DNAH8: variants seen among roughly 807,000 people sequenced by gnomAD.
DNAH8 encodes axonemal beta dynein heavy chain 8.
DNAH8 carries 382 observed loss-of-function variants against 562.1 expected under a neutral mutation model. That is an observed-to-expected ratio of 0.68 (90% CI 0.63 to 0.74). DNAH8 has a LOEUF of 0.74. DNAH8 is among the 30% of genes least tolerant of loss of function. The pLI is 0.00. For missense variants in DNAH8, 5,203 were observed against 5,620.4 expected (o/e 0.93, Z 2.37); for synonymous variants, 1,881 against 1,919.4 (o/e 0.98, Z 0.52).
At chr6:38,973,347 A>G (rs1352260723) in intron 83 of DNAH8, among the ~76,000 whole-genome samples, 1 of 152,140 alleles carries the variant, frequency 6.6e-6, no homozygotes, top group African/African-American at 2.4e-5. Context: ...ACTGATTCCA[A>G]AATACCCGTT....
At position 38,721,894 on chromosome 6, in the gene DNAH8, C is replaced by A. The variant is rs566202588; in HGVS notation, c.-34-882C>A. ...AGAAACCTCTTTTTCTGTCTTCTTA[C>A]GTGTTTGGGAATGTATCCTTTTGTT... On this transcript the variant is annotated intron_variant, in intron 1 of 92. Coordinates refer to ENST00000327475, the MANE Select transcript of DNAH8 (RefSeq NM_001206927.2). 1.8e-4 allele frequency among the ~76,000 whole-genome samples: 28 copies of A among 152,264 alleles called. No individual in the cohort carries two copies. The South Asian group carries it at 4.6e-3, about 25-fold the overall frequency.
chr6:38,783,999 G>T (rs1394820539), intron 17 of DNAH8, among the ~76,000 whole-genome samples: 1 of 152,146 alleles, frequency 6.6e-6, no homozygotes, highest in Non-Finnish European at 1.5e-5. Context: ...CTGCCTCTTG[G>T]TTCCAGAACT....
Position 38,836,495 on chromosome 6 carries a change from A to G in DNAH8, c.4366-1447A>G, listed in dbSNP as rs148690105. Among the ~76,000 whole-genome samples the G allele has an allele frequency of 5.4e-3, 788 of 145,600 alleles. 5 individuals carry two copies. Among genetic ancestry groups the G allele is most frequent in the African/African-American group, 0.019 (746 of 39,530 alleles). On this transcript the variant is annotated intron_variant, in intron 32 of 92. Coordinates refer to ENST00000327475, the MANE Select transcript of DNAH8 (RefSeq NM_001206927.2). ...AACAAAAAAACCCAACAAAACAACA[A>G]CAACAACAAAAAAACCATCTCAAAA...
Position 38,842,663 on chromosome 6 carries a change from A to G in DNAH8, c.4605A>G (p.Arg1535=). The change falls in exon 35 of 93, where the codon AGA becomes AGG. Residue 1535 remains arginine, a splice_region_variant and synonymous_variant. Coordinates refer to ENST00000327475, the MANE Select transcript of DNAH8 (RefSeq NM_001206927.2). ...TTTTTTTTCTCTTTCTTTCTGAAAGATGTCGTAAACTTCCAAAAGGACTTA... is the reference window on the plus strand; with the variant it reads ...TTTTTTTTCTCTTTCTTTCTGAAAGGTGTCGTAAACTTCCAAAAGGACTTA... ...INAELLEFQN[R]CRKLPKGLKD... is the part of the protein sequence containing the mutation. The G allele has an allele frequency of 1.9e-6, 3 of 1,608,036 alleles. No homozygotes were observed. The highest frequency in any genetic ancestry group is 2.5e-6 in the Non-Finnish European group (3 of 1,178,252).
chr6:38,945,660 G>T, intron 80 of DNAH8, 72 bp downstream of exon 80: 1 of 1,590,754 alleles, frequency 6.3e-7, no homozygotes, highest in East Asian at 2.2e-5. Context: ...TTAAACTGGG[G>T]CTTCCTGGCA....
chr6:38,991,020 C>T (rs1243520167), intron 88 of DNAH8, among the ~76,000 whole-genome samples: 4 of 152,190 alleles, frequency 2.6e-5, no homozygotes, highest in African/African-American at 9.7e-5. Context: ...TGGGGCATTC[C>T]TCTCTCCTAG....
intron 33 of DNAH8, among the ~76,000 whole-genome samples, chr6:38,839,102 C>T (rs1206273974): frequency 2.0e-5 from 3 of 152,122 alleles, no homozygotes; most frequent in African/African-American, 4.8e-5. Flanking sequence ...GTTAGAATTG[C>T]GGATGTCTGG....
chr6:38,717,811 A>AT (rs1281342083), intron 1 of DNAH8, among the ~76,000 whole-genome samples: 5 of 151,992 alleles, frequency 3.3e-5, no homozygotes, highest in Non-Finnish European at 5.9e-5. Context: ...ACTGATTACA[A>AT]TTTTTTTGCA....
chr6:38,742,660 C>T lies in DNAH8; in HGVS notation c.1293+773C>T, dbSNP rs561655674. 7.9e-5 allele frequency among the ~76,000 whole-genome samples: 12 copies of T among 152,170 alleles called. No homozygotes were observed. In the South Asian group the frequency reaches 2.5e-3, roughly 32 times the overall value. Reference sequence around the variant, plus strand: ...CTTTGCACAGAAAAATAAACTAATACTTTTTTGGTAATAGATTTAAGCAGT... The same window carrying T: ...CTTTGCACAGAAAAATAAACTAATATTTTTTTGGTAATAGATTTAAGCAGT... On this transcript the variant is annotated intron_variant, in intron 8 of 92. Transcript: ENST00000327475.
At chr6:38,832,680 G>A (rs1773942175) in intron 31 of DNAH8, among the ~76,000 whole-genome samples, 1 of 152,166 alleles carries the variant, frequency 6.6e-6, no homozygotes, top group Non-Finnish European at 1.5e-5. Context: ...TAACACTAAC[G>A]ATAGCTGATT....
At chr6:38,955,494 G>A (rs1013042457) in intron 82 of DNAH8, among the ~76,000 whole-genome samples, 5 of 152,012 alleles carry the variant, frequency 3.3e-5, no homozygotes, top group Non-Finnish European at 7.4e-5. Flanking sequence ...AGCTGGGTGT[G>A]GTGGCGGGCA....
At chr6:39,008,371 T>A (rs1765936741) in intron 88 of DNAH8, among the ~76,000 whole-genome samples, 1 of 152,188 alleles carries the variant, frequency 6.6e-6, no homozygotes, top group Non-Finnish European at 1.5e-5. Flanking sequence ...GAAAATATTT[T>A]AATAGGTTAT....
intron 44 of DNAH8, among the ~76,000 whole-genome samples, chr6:38,863,640 A>ATTTGTACT (rs1245089243): frequency 1.3e-5 from 2 of 152,180 alleles, no homozygotes; most frequent in East Asian, 3.8e-4. Context: ...TACCCCCAAA[A>ATTTGTACT]TTTGTACTTT....
At chr6:39,015,898 A>G (rs1167748762) in intron 91 of DNAH8, among the ~76,000 whole-genome samples, 2 of 152,168 alleles carry the variant, frequency 1.3e-5, no homozygotes, top group East Asian at 3.9e-4. Flanking sequence ...ACACACCCTT[A>G]TCCATGACTG....
At position 38,919,336 on chromosome 6, in the gene DNAH8, TG is replaced by T. The variant is rs568099927; in HGVS notation, c.10524+1198del. 9.6e-4 allele frequency among the ~76,000 whole-genome samples: 147 copies of T among 152,334 alleles called. 2 individuals are homozygous for T. The highest frequency in any genetic ancestry group is 3.4e-3 in the African/African-American group (142 of 41,590). Reference sequence around the variant, plus strand: ...TGTAATTTGAGATTGTGGCTACCCCTGGTAGGCATAGGGCCAGCTTCTTGGG... The same window carrying T: ...TGTAATTTGAGATTGTGGCTACCCCTGTAGGCATAGGGCCAGCTTCTTGGG... On this transcript the variant is annotated intron_variant, in intron 70 of 92. Transcript: ENST00000327475.
intron 71 of DNAH8, 146 bp downstream of exon 71, chr6:38,921,652 ATTTT>A: frequency 1.0e-6 from 1 of 984,396 alleles, no homozygotes; most frequent in Non-Finnish European, 1.5e-6. Flanking sequence ...GCTCAAAATT[ATTTT>A]TTGTGTTTTC....
chr6:38,925,882 A>G (rs112024081), intron 73 of DNAH8, among the ~76,000 whole-genome samples, 173 bp from the exon 74 acceptor site: 1,957 of 152,268 alleles, frequency 0.013, 36 homozygotes, highest in Middle Eastern at 0.037. Flanking sequence ...TTTTAATGTG[A>G]ATGTTATTTG....
chr6:38,739,053 C>T (rs915723428), intron 7 of DNAH8, among the ~76,000 whole-genome samples: 3 of 151,994 alleles, frequency 2.0e-5, no homozygotes, highest in African/African-American at 7.3e-5. Flanking sequence ...TGTAGAATTG[C>T]TTGTTTATAT....
chr6:38,800,714 G>C (rs553474878), intron 21 of DNAH8, among the ~76,000 whole-genome samples: 1 of 152,058 alleles, frequency 6.6e-6, no homozygotes, highest in East Asian at 1.9e-4. Flanking sequence ...AGGGGGTTTC[G>C]CCATGTTGGC....
Sources: allele counts gnomAD v4.1 joint callset (sites outside exome capture counted in the v4.1 genomes callset), GRCh38; gene constraint gnomAD v4.1.1; transcripts MANE v1.5; gene names NCBI Gene and HGNC (gene_info 2026-07-23, HGNC 2026-07-21).